EPB41L1: variants seen among roughly 807,000 people sequenced by gnomAD.
EPB41L1 encodes the protein band 4.1-like protein 1.
In EPB41L1, 29 loss-of-function variants were observed where a neutral mutation model predicts 97.8. The ratio of observed to expected loss-of-function variants is 0.30; its 90% CI spans 0.22 to 0.40. The LOEUF (loss-of-function observed/expected upper bound fraction) is 0.40, where lower values mean the gene tolerates loss of function less well. Among genes scored for constraint, EPB41L1 ranks in the 10% least tolerant of loss-of-function variants. The pLI, the probability that EPB41L1 is intolerant of heterozygous loss-of-function variation, is 1.00. For missense variants in EPB41L1, 812 were observed against 1,162.3 expected, an observed-to-expected ratio of 0.70 and a Z score of 4.38; for synonymous variants, 383 against 459.2, an observed-to-expected ratio of 0.83 and a Z score of 2.12.
At chr20:36,114,164 C>T (rs73281501) in intron 2 of EPB41L1, among the ~76,000 whole-genome samples, 5,803 of 152,182 alleles carry the variant, frequency 0.038, 253 homozygotes, top group East Asian at 0.13. Context: ...ACACATCCGC[C>T]CTAGCTACTT....
intron 12 of EPB41L1, 42 bp downstream of exon 12, chr20:36,194,402 G>C (rs900679013): frequency 8.9e-6 from 14 of 1,568,522 alleles, no homozygotes; most frequent in Non-Finnish European, 1.1e-5. Flanking sequence ...CTGGGGATCA[G>C]GAGGCTGACC....
intron 1 of EPB41L1, chr20:36,155,466 A>C: frequency 2.5e-6 from 1 of 395,894 alleles, no homozygotes; most frequent in South Asian, 1.9e-5. Context: ...TCCCCTGATC[A>C]GAGGGAGAGG....
intron 2 of EPB41L1, among the ~76,000 whole-genome samples, chr20:36,129,942 T>G (rs1035374179): frequency 1.4e-5 from 2 of 147,392 alleles, no homozygotes; most frequent in South Asian, 2.1e-4. Flanking sequence ...TTGTTTTTTT[T>G]TTTTGTTTTT....
rs572585851 is a variant in EPB41L1 at position 36,092,120 on chromosome 20, C to G, written c.-65+508C>G. ...CGCACTGGGCTATCCTCCGCGAGCC[C>G]TGGCCGCGGGAACAATGGGAGCGCG... On this transcript the variant is annotated intron_variant, in intron 1 of 19. Coordinates refer to the EPB41L1 transcript ENST00000202028. The surrounding 1 kb of genome is among the most constrained non-coding windows in gnomAD (Gnocchi z 7.0). Among the ~76,000 whole-genome samples, 2 of 152,118 alleles carry G rather than the reference C, an allele frequency of 1.3e-5. No individual in the cohort carries two copies. Among genetic ancestry groups the G allele is most frequent in the South Asian group, 2.1e-4 (1 of 4,830 alleles).
intron 1 of EPB41L1, chr20:36,091,959 C>A (rs1019046588): frequency 3.9e-5 from 6 of 152,246 alleles, no homozygotes; most frequent in Admixed American, 1.3e-4. Context: ...GTGGTTATAA[C>A]CCTAATTTAG....
rs73289662 is a variant in EPB41L1, at chr20:36,219,368, C to T, written c.2356-393C>T. Reference sequence around the variant, plus strand: ...TCTGTCACTGTAGGGTCTCTTTCAGCTCTTGCATTCTCCAAGTCTGTGGTT... The same window carrying T: ...TCTGTCACTGTAGGGTCTCTTTCAGTTCTTGCATTCTCCAAGTCTGTGGTT... On this transcript the variant is annotated intron_variant, in intron 18 of 21. Transcript: ENST00000338074. Among the ~76,000 whole-genome samples the T allele has an allele frequency of 4.1e-3, 622 of 152,322 alleles. 5 individuals carry two copies. The highest frequency in any genetic ancestry group is 0.014 in the African/African-American group (563 of 41,570).
intron 2 of EPB41L1, among the ~76,000 whole-genome samples, chr20:36,139,185 C>T (rs998674395): frequency 2.4e-4 from 36 of 152,172 alleles, no homozygotes; most frequent in Admixed American, 1.2e-3. Flanking sequence ...GGAAGGGAGA[C>T]GGCCCGGCTA....
intron 18 of EPB41L1, among the ~76,000 whole-genome samples, chr20:36,219,396 C>T (rs1458727896): frequency 1.3e-5 from 2 of 152,180 alleles, no homozygotes; most frequent in African/African-American, 4.8e-5. Flanking sequence ...CTGTGGTTCT[C>T]ATTGTTTAGC....
Position 36,232,565 on chromosome 20 carries a change from A to C in EPB41L1, c.*3225A>C, listed in dbSNP as rs2064537021. The C allele has an allele frequency of 5.0e-6, 2 of 399,040 alleles. No homozygotes were observed. The highest frequency in any genetic ancestry group is 6.3e-4 in the Middle Eastern group (1 of 1,588). The allele number at this position is 399,040 out of a possible 1,614,324, so 24.7% of individuals were successfully genotyped here. A position where few individuals can be genotyped will look rare whatever the true frequency, so the allele number is the denominator to read the frequency against. ...CCTGTTTCAGTTTTTGAATCCTGCA[A>C]GCACATTCCAAGACTGGCCTGAAAC... On this transcript the variant is annotated 3_prime_UTR_variant, in exon 22 of 22. Transcript: ENST00000338074.
At chr20:36,114,119 G>A (rs2058510774) in intron 2 of EPB41L1, among the ~76,000 whole-genome samples, 1 of 152,136 alleles carries the variant, frequency 6.6e-6, no homozygotes, top group Non-Finnish European at 1.5e-5. Context: ...TCCCCTTTCT[G>A]AACCCTCATT....
intron 1 of EPB41L1, among the ~76,000 whole-genome samples, chr20:36,157,109 A>G (rs1179351452): frequency 6.6e-6 from 1 of 152,188 alleles, no homozygotes; most frequent in Non-Finnish European, 1.5e-5. Context: ...CTATAGCCCC[A>G]GCAACTCGGG....
intron 2 of EPB41L1, among the ~76,000 whole-genome samples, chr20:36,139,876 C>T (rs1475845963): frequency 6.6e-6 from 1 of 152,036 alleles, no homozygotes; most frequent in East Asian, 1.9e-4. Context: ...AGATTACAGG[C>T]ATGTGCCACC....
intron 5 of EPB41L1, 24 bp from the exon 6 acceptor site, chr20:36,182,248 G>A (rs779639077): frequency 6.2e-7 from 1 of 1,612,244 alleles, no homozygotes; most frequent in South Asian, 1.1e-5. Context: ...GGGCCTCGCT[G>A]ATCTCTCTCC....
At chr20:36,110,659 A>ACACACACG (rs1450295700) in intron 1 of EPB41L1, 5 of 151,896 alleles carry the variant, frequency 3.3e-5, no homozygotes, top group African/African-American at 1.2e-4. Flanking sequence ...ACACACACAC[A>ACACACACG]CACCATTGGC....
intron 2 of EPB41L1, chr20:36,121,915 A>G (rs2058764282): frequency 6.6e-6 from 1 of 152,216 alleles, no homozygotes; most frequent in Non-Finnish European, 1.5e-5. Flanking sequence ...GAAACTACGC[A>G]CTTAACCTAG....
In EPB41L1 at chr20:36,207,235, G is replaced by C; in HGVS notation, c.1669-2253G>C. The C allele has an allele frequency of 7.8e-7, 1 of 1,280,170 alleles. No homozygotes were observed. The highest frequency in any genetic ancestry group is 1.0e-6 in the Non-Finnish European group (1 of 982,920). The allele number at this position is 1,280,170 out of a possible 1,614,324, so 79.3% of individuals were successfully genotyped here. On this transcript the variant is annotated intron_variant, in intron 14 of 21. Coordinates refer to ENST00000338074, the MANE Select transcript of EPB41L1 (RefSeq NM_012156.2). This position sits in a 1 kb window ranked among gnomAD's most constrained non-coding sequence, Gnocchi z 4.9. The stretch of plus-strand genomic sequence containing the variant: ...TTCGAAAGCCAGCCCAGAGCCCAAG[G>C]ACCAAGTAGGGTTTGTGGTGTCCCC...
Position 36,173,825 on chromosome 20 carries a change from G to C in EPB41L1, c.48G>C (p.Glu16Asp). 2 of 1,614,072 alleles carry C rather than the reference G, an allele frequency of 1.2e-6. No homozygotes were observed. Among genetic ancestry groups the C allele is most frequent in the Non-Finnish European group, 1.7e-6 (2 of 1,179,966 alleles). Reference protein sequence around the residue: ...GPDSEVKKAQEEAPQQPEAAA... With the variant: ...GPDSEVKKAQDEAPQQPEAAA... ...ACTCTGAGGTGAAGAAAGCTCAGGA[G>C]GAGGCCCCGCAGCAGCCCGAGGCTG... is the stretch of plus-strand genomic sequence containing the variant. Residue 16 changes from glutamate to aspartate, a missense_variant, in exon 2 of 22, where the codon GAG (glutamate) becomes GAC (aspartate). By Grantham distance (45) the Glu-to-Asp change is conservative (BLOSUM62 2). Coordinates refer to ENST00000338074, the MANE Select transcript of EPB41L1 (RefSeq NM_012156.2).
chr20:36,197,664 G>A (rs1372457657), intron 13 of EPB41L1, 195 bp from the exon 14 acceptor site: 1 of 985,346 alleles, frequency 1.0e-6, no homozygotes, highest in Non-Finnish European at 1.2e-6. Flanking sequence ...TCTGTGCCTT[G>A]GGATGTGCAC....
intron 7 of EPB41L1, among the ~76,000 whole-genome samples, chr20:36,186,905 G>T (rs2061706753): frequency 2.0e-5 from 3 of 152,150 alleles, no homozygotes; most frequent in African/African-American, 4.8e-5. Flanking sequence ...AAGTGATTAG[G>T]AGCATAAACT....
Sources: gnomAD v4.1 joint callset for allele counts (sites outside exome capture counted in the v4.1 genomes callset) on GRCh38, gnomAD v4.1.1 for gene constraint, Gnocchi (gnomAD v3.1) non-coding constraint, MANE v1.5 for transcripts, NCBI Gene and HGNC (gene_info 2026-07-23, HGNC 2026-07-21) for gene names.